Variants in F5 observed in about 807,000 individuals in gnomAD.
F5 encodes the protein coagulation factor V.
A neutral mutation model predicts 216.4 loss-of-function variants in F5; 138 were observed. The observed-to-expected ratio is 0.64, with a 90% CI of 0.56 to 0.73. The LOEUF (loss-of-function observed/expected upper bound fraction) is 0.73. Among genes scored for constraint, F5 ranks in the 30% least tolerant of loss-of-function variants. F5 has a pLI of 0.00. For missense variants in F5, 2,403 were observed against 2,674.0 expected, an observed-to-expected ratio of 0.90 and a Z score of 2.24; for synonymous variants, 916 against 930.7, an observed-to-expected ratio of 0.98 and a Z score of 0.29.
intron 10 of F5, among the ~76,000 whole-genome samples, chr1:169,548,879 A>G (rs1022153268): frequency 1.3e-5 from 2 of 151,966 alleles, no homozygotes; most frequent in East Asian, 1.9e-4. Flanking sequence ...AAAAGAAAAA[A>G]AAAAAAAAAA....
chr1:169,574,781 A>G (rs1660805240), intron 2 of F5, among the ~76,000 whole-genome samples: 1 of 152,202 alleles, frequency 6.6e-6, no homozygotes, highest in African/African-American at 2.4e-5. Context: ...GTCTGTCTCT[A>G]GATCGTGACT....
Position 169,542,697 on chromosome 1 carries a change from G to A in F5, c.2393C>T (p.Pro798Leu), listed in dbSNP as rs1659896363. 1.2e-6 allele frequency: 2 copies of A among 1,613,984 alleles called. No homozygotes were observed. The highest frequency in any genetic ancestry group is 2.2e-5 in the South Asian group (2 of 91,088). Reference protein sequence around the residue: ...VNNLAEPQKAPSHQQATTAGS... With the variant: ...VNNLAEPQKALSHQQATTAGS... Reference sequence around the variant, plus strand: ...AGCTGTGGTGGCTTGTTGGTGAGAAGGGGCTTTCTGAGGTTCTGCAAGGTT... The same window carrying A: ...AGCTGTGGTGGCTTGTTGGTGAGAAAGGGCTTTCTGAGGTTCTGCAAGGTT... Residue 798 changes from proline to leucine, a missense_variant, in exon 13 of 25, where the codon CCT becomes CTT. Pro to Leu is a moderately conservative substitution (Grantham distance 98). This residue lies in a region of F5 where 1,425 missense variants were observed against 1,554.8 expected (regional missense o/e 0.92). Coordinates refer to ENST00000367797, the MANE Select transcript of F5 (RefSeq NM_000130.5).
Position 169,541,840 on chromosome 1 carries a change from G to C in F5, c.3250C>G (p.Gln1084Glu), listed in dbSNP as rs1359808137. The change falls in exon 13 of 25, where the codon CAG (glutamine) becomes GAG (glutamate). Residue 1084 changes from glutamine to glutamate, a missense_variant. By Grantham distance (29) the Gln-to-Glu change is conservative. This residue lies in a region of F5 where 1,425 missense variants were observed against 1,554.8 expected (regional missense o/e 0.92). Transcript: ENST00000367797. ...NETSLPTDLN[Q>E]TLPSMDFGWI... Reference sequence around the variant, plus strand: ...CCAAAATCCATAGAGGGCAATGTCTGATTGAGGTCTGTGGGAAGAGATGTT... The same window carrying C: ...CCAAAATCCATAGAGGGCAATGTCTCATTGAGGTCTGTGGGAAGAGATGTT... 1 of 1,614,136 alleles carries C rather than the reference G, an allele frequency of 6.2e-7. No homozygotes were observed.
intron 3 of F5, among the ~76,000 whole-genome samples, chr1:169,561,234 C>T (rs1660477880): frequency 6.6e-6 from 1 of 151,924 alleles, no homozygotes; most frequent in Admixed American, 6.6e-5. Flanking sequence ...CTGTGATCCT[C>T]AGCTTTGTTT....
At position 169,541,002 on chromosome 1, in the gene F5, T is replaced by C. The variant is rs754643254; in HGVS notation, c.4088A>G (p.His1363Arg). 6 of 1,591,276 alleles carry C rather than the reference T, an allele frequency of 3.8e-6. No individual in the cohort carries two copies. Among genetic ancestry groups the C allele is most frequent in the East Asian group, 4.5e-5 (2 of 44,858 alleles). The change falls in exon 13 of 25, where the codon CAT (histidine) becomes CGT (arginine). Residue 1363 changes from histidine (H) to arginine (R), a missense_variant. This residue lies in a region of F5 where 293 missense variants were observed against 270.8 expected (regional missense o/e 1.08). Coordinates refer to ENST00000367797, the MANE Select transcript of F5 (RefSeq NM_000130.5). The stretch of plus-strand genomic sequence containing the variant: ...GCTGAGGTCTAGAGAAAGGGTTGTA[T>C]GGCTGGGGTCTGGAGAAAGGGGCAT... ...GQMPLSPDPS[H>R]TTLSLDLSQT... is the part of the protein sequence containing the mutation.
At chr1:169,557,539 G>A (rs1028930765) in intron 5 of F5, among the ~76,000 whole-genome samples, 4 of 152,148 alleles carry the variant, frequency 2.6e-5, no homozygotes, top group African/African-American at 9.7e-5. Context: ...GCCATTGGGA[G>A]CTTTTCATGG....
chr1:169,584,571 A>G (rs1661062315), intron 1 of F5, among the ~76,000 whole-genome samples: 1 of 152,216 alleles, frequency 6.6e-6, no homozygotes, highest in African/African-American at 2.4e-5. Flanking sequence ...TATATGAAAT[A>G]AGTAGATAGA....
At chr1:169,553,890 A>T (rs1660245501) in intron 7 of F5, among the ~76,000 whole-genome samples, 1 of 152,266 alleles carries the variant, frequency 6.6e-6, no homozygotes, top group South Asian at 2.1e-4. Flanking sequence ...ACAGTATGGC[A>T]GTTCCTCCAA....
chr1:169,572,146 T>C, intron 3 of F5, 75 bp downstream of exon 3: 2 of 1,456,750 alleles, frequency 1.4e-6, no homozygotes, highest in Non-Finnish European at 1.9e-6. Context: ...GTTAACAGTA[T>C]AGTTTTAAAT....
At chr1:169,528,448 G>A (rs775695690) in intron 16 of F5, among the ~76,000 whole-genome samples, 3 of 152,104 alleles carry the variant, frequency 2.0e-5, no homozygotes, top group Non-Finnish European at 4.4e-5. Flanking sequence ...ATACAAATAT[G>A]GGCAGACAAA....
At chr1:169,537,994 T>C (rs1659746310) in intron 13 of F5, among the ~76,000 whole-genome samples, 1 of 151,890 alleles carries the variant, frequency 6.6e-6, no homozygotes, top group Non-Finnish European at 1.5e-5. Context: ...CCAAAGAAAA[T>C]GAAATCAGTA....
At chr1:169,556,255 AC>A (rs1396922877) in intron 6 of F5, among the ~76,000 whole-genome samples, 28 of 151,862 alleles carry the variant, frequency 1.8e-4, no homozygotes, top group Non-Finnish European at 3.4e-4. Flanking sequence ...AAACTTTTAC[AC>A]TTTCTACAAC....
At chr1:169,529,937 T>C in intron 15 of F5, 119 bp from the exon 16 acceptor site, 1 of 799,728 alleles carries the variant, frequency 1.3e-6, no homozygotes. Context: ...AAGATGAAGA[T>C]TATAAATGAA....
chr1:169,548,351 A>C (rs1660065060), intron 10 of F5, among the ~76,000 whole-genome samples: 1 of 152,206 alleles, frequency 6.6e-6, no homozygotes, highest in Admixed American at 6.5e-5. Flanking sequence ...CCTGAACTTA[A>C]GAGTAAAAAA....
intron 14 of F5, among the ~76,000 whole-genome samples, chr1:169,533,619 C>T (rs921883265): frequency 7.9e-5 from 12 of 152,104 alleles, no homozygotes; most frequent in Admixed American, 7.9e-4. Context: ...AGAAGACATA[C>T]AAATAGCCAA....
intron 10 of F5, among the ~76,000 whole-genome samples, chr1:169,548,608 C>G (rs1660072213): frequency 6.6e-6 from 1 of 152,144 alleles, no homozygotes; most frequent in African/African-American, 2.4e-5. Context: ...TGGCTCACAC[C>G]TGTAATACCA....
rs780253174 is a variant in F5, at chr1:169,542,002, G to A, written c.3088C>T (p.Arg1030Ter). The change falls in exon 13 of 25, where the codon CGA (arginine) becomes TGA (stop). Residue 1030 changes from arginine to a stop codon, truncating the protein, a stop_gained. Coordinates refer to ENST00000367797, the MANE Select transcript of F5 (RefSeq NM_000130.5). LOFTEE classifies it high-confidence loss of function. The part of the protein sequence containing the change: ...LKKSQFLIKT[R>*]KKKKEKHTHH... ...GTGTGCTTCTCTTTTTTCTTTTTTCGTGTCTTAATGAGAAACTGGCTTTTC... is the reference window on the plus strand; with the variant it reads ...GTGTGCTTCTCTTTTTTCTTTTTTCATGTCTTAATGAGAAACTGGCTTTTC... The A allele has an allele frequency of 9.3e-6, 15 of 1,613,620 alleles. No individual in the cohort carries two copies. The Admixed American group carries it at 1.0e-4, about 11-fold the overall frequency.
chr1:169,585,518 T>G (rs10919197), intron 1 of F5, among the ~76,000 whole-genome samples: 4,082 of 152,278 alleles, frequency 0.027, 172 homozygotes, highest in African/African-American at 0.087. Context: ...AAAAATAGTT[T>G]GCAACTCAAG....
At chr1:169,573,046 C>A (rs748660123) in intron 2 of F5, among the ~76,000 whole-genome samples, 2 of 151,856 alleles carry the variant, frequency 1.3e-5, no homozygotes, top group Non-Finnish European at 2.9e-5. Flanking sequence ...CTCCTGGGTT[C>A]AAGCAATTCT....
Sources: gnomAD v4.1 joint callset for allele counts (sites outside exome capture counted in the v4.1 genomes callset) on GRCh38, gnomAD v4.1.1 for gene constraint, gnomAD v4.1.1 regional missense constraint, MANE v1.5 for transcripts, NCBI Gene and HGNC (gene_info 2026-07-23, HGNC 2026-07-21) for gene names.